Variants in GAS2 observed in about 807,000 individuals in gnomAD.
The protein encoded by GAS2 is growth arrest specific 2.
In GAS2, 20 loss-of-function variants were observed where a neutral mutation model predicts 37.5. The observed-to-expected ratio is 0.53, with a 90% CI of 0.37 to 0.77. GAS2 has a LOEUF of 0.77. Ranked by LOEUF, GAS2 falls within the 30% of genes least tolerant of loss-of-function variation. The pLI, the probability that GAS2 is intolerant of heterozygous loss-of-function variation, is 0.00. For missense variants in GAS2, 336 were observed against 373.4 expected, an observed-to-expected ratio of 0.90 and a Z score of 0.82; for synonymous variants, 144 against 132.2, an observed-to-expected ratio of 1.09 and a Z score of -0.61.
intron 1 of GAS2, among the ~76,000 whole-genome samples, chr11:22,671,237 T>C (rs1849188585): frequency 6.6e-6 from 1 of 152,064 alleles, no homozygotes; most frequent in African/African-American, 2.4e-5. Context: ...ACACACACAG[T>C]CTTTGAAGGA....
chr11:22,707,325 C>A (rs920938525), intron 3 of GAS2, among the ~76,000 whole-genome samples: 1 of 152,166 alleles, frequency 6.6e-6, no homozygotes, highest in African/African-American at 2.4e-5. Context: ...CCCTGTCATG[C>A]CACACCTTTC....
At chr11:22,745,492 T>C (rs1377063252) in intron 5 of GAS2, among the ~76,000 whole-genome samples, 2 of 152,124 alleles carry the variant, frequency 1.3e-5, no homozygotes, top group Admixed American at 1.3e-4. Flanking sequence ...AACGTAAGAC[T>C]TCAAGCTATA....
chr11:22,704,887 G>A (rs896856818), intron 3 of GAS2, among the ~76,000 whole-genome samples: 1 of 151,822 alleles, frequency 6.6e-6, no homozygotes, highest in Non-Finnish European at 1.5e-5. Flanking sequence ...ATTTAAAATT[G>A]TTCAAAGATT....
intron 2 of GAS2, 50 bp from the exon 3 acceptor site, chr11:22,685,618 G>T (rs746487248): frequency 1.3e-6 from 2 of 1,581,000 alleles, no homozygotes; most frequent in Non-Finnish European, 1.7e-6. Context: ...TATTTAGTGT[G>T]AATCTGACAT....
intron 7 of GAS2, among the ~76,000 whole-genome samples, chr11:22,811,072 A>G (rs1857137242): frequency 1.3e-5 from 2 of 152,262 alleles, no homozygotes; most frequent in African/African-American, 4.8e-5. Context: ...TTCCATGTCA[A>G]ACCTCCATGA....
At chr11:22,720,592 A>G (rs1196473196) in intron 3 of GAS2, among the ~76,000 whole-genome samples, 1 of 152,040 alleles carries the variant, frequency 6.6e-6, no homozygotes, top group African/African-American at 2.4e-5. Flanking sequence ...TACAGGCGGA[A>G]ACATTAATTC....
At chr11:22,652,255 A>G (rs1404993284) in intron 1 of GAS2, among the ~76,000 whole-genome samples, 4 of 152,198 alleles carry the variant, frequency 2.6e-5, no homozygotes, top group African/African-American at 9.6e-5. Context: ...TCAGGGACCC[A>G]CTTGAGGAGG....
At chr11:22,754,206 C>A (rs1282425198) in intron 6 of GAS2, among the ~76,000 whole-genome samples, 1 of 151,942 alleles carries the variant, frequency 6.6e-6, no homozygotes, top group Non-Finnish European at 1.5e-5. Context: ...CTAATTTCCC[C>A]CTGTGACCTG....
chr11:22,698,368 C>T (rs1027533793), intron 3 of GAS2, among the ~76,000 whole-genome samples: 1 of 151,926 alleles, frequency 6.6e-6, no homozygotes, highest in Non-Finnish European at 1.5e-5. Context: ...GAAATTGTGG[C>T]AATAATCAAT....
intron 3 of GAS2, among the ~76,000 whole-genome samples, chr11:22,701,400 T>A (rs950727019): frequency 2.6e-5 from 4 of 152,022 alleles, no homozygotes; most frequent in African/African-American, 9.7e-5. Context: ...GTCTTCATGG[T>A]GAGAAAGATA....
chr11:22,729,227 C>T (rs1013448332), intron 4 of GAS2, among the ~76,000 whole-genome samples: 3 of 151,840 alleles, frequency 2.0e-5, no homozygotes, highest in African/African-American at 4.8e-5. Flanking sequence ...GTTCAAAGGT[C>T]TTTGCCTGCA....
rs1590147937 is a variant in GAS2, at chr11:22,802,308, T to C, written c.724-9490T>C. Reference sequence around the variant, plus strand: ...GAACATCACACATGGGGGCCTGTTGTGGGGTGGAGGGAGGAGGGAGGGATA... The same window carrying C: ...GAACATCACACATGGGGGCCTGTTGCGGGGTGGAGGGAGGAGGGAGGGATA... On this transcript the variant is annotated intron_variant, in intron 7 of 7. Coordinates refer to ENST00000454584, the MANE Select transcript of GAS2 (RefSeq NM_001143830.3). Among the ~76,000 whole-genome samples, 4 of 150,678 alleles carry C rather than the reference T, an allele frequency of 2.7e-5. No individual in the cohort carries two copies. In the East Asian group the frequency reaches 5.9e-4, roughly 22 times the overall value.
chr11:22,740,682 C>A (rs1001028259), intron 5 of GAS2, among the ~76,000 whole-genome samples: 1 of 152,104 alleles, frequency 6.6e-6, no homozygotes, highest in Non-Finnish European at 1.5e-5. Context: ...CTGTTTTACC[C>A]CTGTGTTGAA....
At chr11:22,774,370 C>A (rs1012864353) in intron 7 of GAS2, among the ~76,000 whole-genome samples, 1 of 152,218 alleles carries the variant, frequency 6.6e-6, no homozygotes, top group Admixed American at 6.5e-5. Context: ...TAACCCAGAG[C>A]TCTCTCAACT....
At chr11:22,672,630 A>G (rs923016840) in intron 1 of GAS2, 1 of 152,180 alleles carries the variant, frequency 6.6e-6, no homozygotes, top group Non-Finnish European at 1.5e-5. Flanking sequence ...TCAGGAAAGT[A>G]GTGGAAGAGA....
intron 7 of GAS2, among the ~76,000 whole-genome samples, chr11:22,758,204 C>G (rs1854155441): frequency 6.6e-6 from 1 of 152,172 alleles, no homozygotes; most frequent in Non-Finnish European, 1.5e-5. Context: ...TTTCCTTGAA[C>G]ACCTGGATTA....
chr11:22,762,902 G>A (rs1036538533), intron 7 of GAS2, among the ~76,000 whole-genome samples: 2 of 152,102 alleles, frequency 1.3e-5, no homozygotes, highest in Non-Finnish European at 2.9e-5. Flanking sequence ...TAGTCTTGTT[G>A]AGTCTTCTCT....
At chr11:22,766,673 C>G (rs1854713819) in intron 7 of GAS2, among the ~76,000 whole-genome samples, 1 of 152,150 alleles carries the variant, frequency 6.6e-6, no homozygotes, top group Non-Finnish European at 1.5e-5. Flanking sequence ...ACAACATAAA[C>G]TAGAAAACCC....
chr11:22,647,328 G>A (rs1254550532), intron 1 of GAS2, among the ~76,000 whole-genome samples: 1 of 152,056 alleles, frequency 6.6e-6, no homozygotes, highest in Non-Finnish European at 1.5e-5. Context: ...ATCATTGTTG[G>A]ACACTTGGGT....
Sources: gnomAD v4.1 joint callset for allele counts (sites outside exome capture counted in the v4.1 genomes callset) on GRCh38, gnomAD v4.1.1 for gene constraint, MANE v1.5 for transcripts, NCBI Gene and HGNC (gene_info 2026-07-23, HGNC 2026-07-21) for gene names.